STAT1: variants seen among roughly 807,000 people sequenced by gnomAD.
The protein encoded by STAT1 is signal transducer and activator of transcription 1.
In STAT1, 24 loss-of-function variants were observed where a neutral mutation model predicts 111.7. The observed-to-expected ratio is 0.21, with a 90% confidence interval of 0.16 to 0.30. The LOEUF is 0.30. Ranked by LOEUF, STAT1 falls within the 10% of genes least tolerant of loss-of-function variation. STAT1 has a pLI of 1.00. For missense variants in STAT1, 351 were observed against 911.9 expected (o/e 0.38, Z 7.92); for synonymous variants, 332 against 326.5 (o/e 1.02, Z -0.18).
rs1189549564 is a variant in STAT1, at chr2:191,007,978, C to T, written c.274-317G>A. The stretch of plus-strand genomic sequence containing the variant: ...AAGGCCAATTATCTTTGGTTAGGAT[C>T]CCGAGACAATGCAAATGATATAAAA... On this transcript the variant is annotated intron_variant, in intron 4 of 24. Transcript: ENST00000361099. This position sits in a 1 kb window ranked among gnomAD's most constrained non-coding sequence, Gnocchi z 4.2. 8 of 479,850 alleles carry T rather than the reference C, an allele frequency of 1.7e-5. No homozygotes were observed. Among genetic ancestry groups the T allele is most frequent in the Non-Finnish European group, 2.9e-5 (7 of 244,420 alleles). The allele number at this position is 479,850 out of a possible 1,614,324, so 29.7% of individuals were successfully genotyped here.
Position 190,980,808 on chromosome 2 carries a change from C to T in STAT1, c.1583-139G>A, listed in dbSNP as rs563292311. 32 of 840,808 alleles carry T rather than the reference C, an allele frequency of 3.8e-5. No individual in the cohort carries two copies. Among genetic ancestry groups the T allele is most frequent in the African/African-American group, 3.5e-4 (21 of 59,378 alleles). The allele number at this position is 840,808 out of a possible 1,614,324, so 52.1% of individuals were successfully genotyped here. On this transcript the variant is annotated intron_variant, in intron 18 of 24. Coordinates refer to ENST00000361099, the MANE Select transcript of STAT1 (RefSeq NM_007315.4). The surrounding 1 kb of genome is among the most constrained non-coding windows in gnomAD (Gnocchi z 6.1). Reference sequence around the variant, plus strand: ...ATTGTATGTACACAGTTGACATTTTCGGATACCTTAATGCCAAATTAACTG... The same window carrying T: ...ATTGTATGTACACAGTTGACATTTTTGGATACCTTAATGCCAAATTAACTG...
chr2:191,002,164 C>T (rs1190262142), intron 5 of STAT1, among the ~76,000 whole-genome samples: 1 of 152,154 alleles, frequency 6.6e-6, no homozygotes, highest in Non-Finnish European at 1.5e-5. Context: ...TTTTAGATCG[C>T]TGATATATTT....
At chr2:191,010,400 C>T (rs765693257) in intron 2 of STAT1, 44 of 470,888 alleles carry the variant, frequency 9.3e-5, no homozygotes, top group Non-Finnish European at 1.9e-4. Flanking sequence ...TCTGTTTTCA[C>T]CACTTGAAGG....
Position 190,987,804 on chromosome 2 carries a change from A to G in STAT1, c.1098-736T>C, listed in dbSNP as rs1363177971. On this transcript the variant is annotated intron_variant, in intron 12 of 24. Coordinates refer to ENST00000361099, the MANE Select transcript of STAT1 (RefSeq NM_007315.4). The surrounding 1 kb of genome is among the most constrained non-coding windows in gnomAD (Gnocchi z 4.0). Reference sequence around the variant, plus strand: ...TTCCCCTTCCTTTCCAATCTCAACCAGAAGTTCAATGCTTTTGTGAATGAC... The same window carrying G: ...TTCCCCTTCCTTTCCAATCTCAACCGGAAGTTCAATGCTTTTGTGAATGAC... 6.6e-6 allele frequency among the ~76,000 whole-genome samples: 1 copy of G among 152,188 alleles called. No individual in the cohort carries two copies. The highest frequency in any genetic ancestry group is 1.5e-5 in the Non-Finnish European group (1 of 68,032).
chr2:190,978,826 G>A lies in STAT1; in HGVS notation c.1873+30C>T. 2 of 1,612,440 alleles carry A rather than the reference G, an allele frequency of 1.2e-6. No homozygotes were observed. The highest frequency in any genetic ancestry group is 1.7e-6 in the Non-Finnish European group (2 of 1,179,540). ...AGAGGGACTTCACACACATGGAATG[G>A]TGGGACTATGTGCTCAAACTCCCAC... On this transcript the variant is annotated intron_variant, in intron 21 of 24. Transcript: ENST00000361099. This position sits in a 1 kb window ranked among gnomAD's most constrained non-coding sequence, Gnocchi z 6.1.
intron 5 of STAT1, among the ~76,000 whole-genome samples, chr2:191,002,168 T>C (rs1478119370): frequency 2.0e-5 from 3 of 152,234 alleles, no homozygotes; most frequent in Non-Finnish European, 4.4e-5. Flanking sequence ...AGATCGCTGA[T>C]ATATTTGTTT....
rs945248089 is a variant in STAT1 at position 191,012,366 on chromosome 2, A to C, written c.-2+1159T>G. ...AGGAGGCGGAGGTTGCAGTGAGCTG[A>C]GATCGCGCCACTGTACTCCAGCCTG... On this transcript the variant is annotated intron_variant, in intron 2 of 24. Transcript: ENST00000361099. The surrounding 1 kb of genome is among the most constrained non-coding windows in gnomAD (Gnocchi z 4.0). Among the ~76,000 whole-genome samples, 1 of 151,714 alleles carries C rather than the reference A, an allele frequency of 6.6e-6. No individual in the cohort carries two copies. The highest frequency in any genetic ancestry group is 1.5e-5 in the Non-Finnish European group (1 of 67,942).
In STAT1 at chr2:191,003,627, C is replaced by G. The variant is rs1694450687; in HGVS notation, c.373-2464G>C. Reference sequence around the variant, plus strand: ...GATATGTGTGCTTCCCCTTCACCTGCTGCTATGACTGTAAGTTTCCTGAGG... The same window carrying G: ...GATATGTGTGCTTCCCCTTCACCTGGTGCTATGACTGTAAGTTTCCTGAGG... On this transcript the variant is annotated intron_variant, in intron 5 of 24. Transcript: ENST00000361099. This position sits in a 1 kb window ranked among gnomAD's most constrained non-coding sequence, Gnocchi z 4.0. Among the ~76,000 whole-genome samples, 1 of 152,212 alleles carries G rather than the reference C, an allele frequency of 6.6e-6. No individual in the cohort carries two copies. The highest frequency in any genetic ancestry group is 1.5e-5 in the Non-Finnish European group (1 of 68,030).
At position 190,984,071 on chromosome 2, in the gene STAT1, A is replaced by C. The variant is rs1401618270; in HGVS notation, c.1347+239T>G. The stretch of plus-strand genomic sequence containing the variant: ...AATAAGTCCCAATGCTTAATGTAAA[A>C]AAAAAAAATTAACATCAGCGATCTC... On this transcript the variant is annotated intron_variant, in intron 16 of 24. Coordinates refer to ENST00000361099, the MANE Select transcript of STAT1 (RefSeq NM_007315.4). This position sits in a 1 kb window ranked among gnomAD's most constrained non-coding sequence, Gnocchi z 5.2. Among the ~76,000 whole-genome samples the C allele has an allele frequency of 6.6e-6, 1 of 152,008 alleles. No homozygotes were observed. Among genetic ancestry groups the C allele is most frequent in the East Asian group, 1.9e-4 (1 of 5,192 alleles).
chr2:190,994,741 C>T (rs952467404), intron 10 of STAT1, among the ~76,000 whole-genome samples: 8 of 151,320 alleles, frequency 5.3e-5, no homozygotes, highest in Admixed American at 5.3e-4. Context: ...GCCAACATGG[C>T]GAAACCCAGT....
At position 190,975,711 on chromosome 2, in the gene STAT1, T is replaced by C; in HGVS notation, c.2135+101A>G. ...AGTTCAGCTGTGATGGCGATAGCAA[T>C]TACAATGGAAAAGTAAAATACAAGC... is the stretch of plus-strand genomic sequence containing the variant. On this transcript the variant is annotated intron_variant, in intron 23 of 24. Transcript: ENST00000361099. This position sits in a 1 kb window ranked among gnomAD's most constrained non-coding sequence, Gnocchi z 5.9. The C allele has an allele frequency of 6.4e-7, 1 of 1,564,442 alleles. No individual in the cohort carries two copies. The highest frequency in any genetic ancestry group is 8.7e-7 in the Non-Finnish European group (1 of 1,154,690).
chr2:190,974,264 T>A lies in STAT1; in HGVS notation c.2238+566A>T, dbSNP rs1691724801. Among the ~76,000 whole-genome samples, 1 of 152,216 alleles carries A rather than the reference T, an allele frequency of 6.6e-6. No individual in the cohort carries two copies. The highest frequency in any genetic ancestry group is 6.5e-5 in the Admixed American group (1 of 15,280). ...TTGTGGACAATCATATTCCCATTTC[T>A]ATCACGAATCTCATTAACTATTTCA... On this transcript the variant is annotated intron_variant, in intron 24 of 24. Coordinates refer to ENST00000361099, the MANE Select transcript of STAT1 (RefSeq NM_007315.4). This position sits in a 1 kb window ranked among gnomAD's most constrained non-coding sequence, Gnocchi z 4.8.
Position 190,970,740 on chromosome 2 carries a change from T to C in STAT1, c.2239-23A>G. ...CATCTGTAAAAAGACAAAATGTGGT[T>C]AAGTTTATTACACTGATCTTGTGAA... On this transcript the variant is annotated intron_variant, in intron 24 of 24. Coordinates refer to ENST00000361099, the MANE Select transcript of STAT1 (RefSeq NM_007315.4). This position sits in a 1 kb window ranked among gnomAD's most constrained non-coding sequence, Gnocchi z 5.4. 1 of 1,609,300 alleles carries C rather than the reference T, an allele frequency of 6.2e-7. No homozygotes were observed. Among genetic ancestry groups the C allele is most frequent in the African/African-American group, 1.3e-5 (1 of 74,952 alleles).
chr2:190,977,769 G>A lies in STAT1; in HGVS notation c.1874-744C>T, dbSNP rs1459465984. Among the ~76,000 whole-genome samples the A allele has an allele frequency of 6.6e-6, 1 of 152,058 alleles. No homozygotes were observed. Among genetic ancestry groups the A allele is most frequent in the African/African-American group, 2.4e-5 (1 of 41,368 alleles). ...CAAGGGTTTTCTTCATCTCTGCTTG[G>A]TCTACTATATCTGTCTCTCAGCTGG... On this transcript the variant is annotated intron_variant, in intron 21 of 24. Transcript: ENST00000361099. The surrounding 1 kb of genome is among the most constrained non-coding windows in gnomAD (Gnocchi z 4.7).
At position 190,996,392 on chromosome 2, in the gene STAT1, A is replaced by G. The variant is rs1192036450; in HGVS notation, c.786-1173T>C. Among the ~76,000 whole-genome samples the G allele has an allele frequency of 6.6e-6, 1 of 152,198 alleles. No homozygotes were observed. The highest frequency in any genetic ancestry group is 1.5e-5 in the Non-Finnish European group (1 of 68,016). On this transcript the variant is annotated intron_variant, in intron 9 of 24. Transcript: ENST00000361099. The surrounding 1 kb of genome is among the most constrained non-coding windows in gnomAD (Gnocchi z 4.5). ...CAGCAGCCCTTCGTCAGGAAAGGAG[A>G]AGGCAGGATAACGGCTGGCTGAGTT...
chr2:190,988,610 T>A (rs1274479033), intron 12 of STAT1, among the ~76,000 whole-genome samples: 1 of 152,094 alleles, frequency 6.6e-6, no homozygotes, highest in Non-Finnish European at 1.5e-5. Flanking sequence ...AAACTCTGGC[T>A]TCATGTGATC....
At position 190,983,399 on chromosome 2, in the gene STAT1, A is replaced by G. The variant is rs573239997; in HGVS notation, c.1446+243T>C. Among the ~76,000 whole-genome samples, 3 of 152,322 alleles carry G rather than the reference A, an allele frequency of 2.0e-5. No individual in the cohort carries two copies. The East Asian group carries it at 5.8e-4, about 29-fold the overall frequency. On this transcript the variant is annotated intron_variant, in intron 17 of 24. Coordinates refer to ENST00000361099, the MANE Select transcript of STAT1 (RefSeq NM_007315.4). The surrounding 1 kb of genome is among the most constrained non-coding windows in gnomAD (Gnocchi z 5.7). ...TGTATACATTTTAAAAATAATAACA[A>G]TAAAGTGGTATGGAATCACTGACTG...
rs750476767 is a variant in STAT1, at chr2:190,995,137, C to T, written c.868G>A (p.Glu290Lys). The T allele has an allele frequency of 1.8e-5, 29 of 1,613,544 alleles. No homozygotes were observed. Among genetic ancestry groups the T allele is most frequent in the South Asian group, 1.6e-4 (15 of 91,068 alleles). The part of the protein sequence containing the change: ...LEELEQKYTY[E>K]HDPITKNKQV... The stretch of plus-strand genomic sequence containing the variant: ...TTGTTTTTTGTGATAGGGTCATGTT[C>T]GTAGGTGTATTTCTGTTCCAATTCC... Residue 290 changes from glutamate (E) to lysine (K), a missense_variant, in exon 10 of 25, where the codon GAA (glutamate) becomes AAA (lysine). Glu to Lys is a moderately conservative substitution (Grantham distance 56, BLOSUM62 1). Coordinates refer to ENST00000361099, the MANE Select transcript of STAT1 (RefSeq NM_007315.4). This position sits in a 1 kb window ranked among gnomAD's most constrained non-coding sequence, Gnocchi z 4.2.
At chr2:191,002,935 T>C (rs1392632896) in intron 5 of STAT1, among the ~76,000 whole-genome samples, 1 of 152,236 alleles carries the variant, frequency 6.6e-6, no homozygotes, top group Non-Finnish European at 1.5e-5. Context: ...ATTTAGTGAA[T>C]TGCATTAATA....
Sources: gnomAD v4.1 joint callset for allele counts (sites outside exome capture counted in the v4.1 genomes callset) on GRCh38, gnomAD v4.1.1 for gene constraint, Gnocchi (gnomAD v3.1) non-coding constraint, MANE v1.5 for transcripts, NCBI Gene and HGNC (gene_info 2026-07-23, HGNC 2026-07-21) for gene names.